The following REDIC1 variants were observed in gnomAD, a reference collection of about 807,000 sequenced individuals.
The protein encoded by REDIC1 is HEI10 Interacting Protein 1.
the REDIC1 span, among the ~76,000 whole-genome samples, chr12:39,701,892 G>A: frequency 2.6e-5 from 4 of 151,964 alleles, no homozygotes; most frequent in Non-Finnish European, 4.4e-5. Context: ...TGAAACCAAC[G>A]AGAACAAAGA....
At chr12:39,697,980 A>G in the REDIC1 span, among the ~76,000 whole-genome samples, 7 of 152,224 alleles carry the variant, frequency 4.6e-5, no homozygotes, top group Non-Finnish European at 1.5e-5. Context: ...TGGATAAAAA[A>G]TAAAACCCAA....
the REDIC1 span, among the ~76,000 whole-genome samples, chr12:39,744,877 C>T: frequency 6.6e-6 from 1 of 152,130 alleles, no homozygotes; most frequent in Admixed American, 6.5e-5. Flanking sequence ...GGTCTAAACA[C>T]AGCAAGTAAA....
chr12:39,808,057 T>C, the REDIC1 span, among the ~76,000 whole-genome samples: 1 of 152,270 alleles, frequency 6.6e-6, no homozygotes, highest in South Asian at 2.1e-4. Context: ...TATAAATCCA[T>C]GTAACCACTA....
chr12:39,713,576 A>G, the REDIC1 span, among the ~76,000 whole-genome samples: 1 of 150,020 alleles, frequency 6.7e-6, no homozygotes, highest in Admixed American at 6.7e-5. Context: ...ACGCGTACAT[A>G]TGTATACACA....
the REDIC1 span, among the ~76,000 whole-genome samples, chr12:39,743,093 G>A: frequency 6.6e-6 from 1 of 152,152 alleles, no homozygotes; most frequent in South Asian, 2.1e-4. Flanking sequence ...TGGTAGCGGG[G>A]AAGAGACAAT....
the REDIC1 span, among the ~76,000 whole-genome samples, chr12:39,720,357 A>G: frequency 1.3e-5 from 2 of 152,100 alleles, no homozygotes; most frequent in East Asian, 3.9e-4. Flanking sequence ...GAATCAATAA[A>G]TAATTGAACA....
At chr12:39,660,126 C>CCTTG in the REDIC1 span, among the ~76,000 whole-genome samples, 2 of 152,106 alleles carry the variant, frequency 1.3e-5, no homozygotes, top group Admixed American at 1.3e-4. Flanking sequence ...ATTTTTCTTA[C>CCTTG]CTTGGGTGGT....
the REDIC1 span, among the ~76,000 whole-genome samples, chr12:39,696,044 G>T: frequency 2.0e-5 from 3 of 152,186 alleles, no homozygotes; most frequent in African/African-American, 7.2e-5. Context: ...GCATTACTGG[G>T]CCTGGGGTGC....
At chr12:39,648,063 T>C in the REDIC1 span, 3 of 999,656 alleles carry the variant, frequency 3.0e-6, no homozygotes, top group African/African-American at 1.7e-5. Flanking sequence ...TTAAAATATT[T>C]ACATTTTGAA....
the REDIC1 span, among the ~76,000 whole-genome samples, chr12:39,899,791 T>C: frequency 7.4e-4 from 113 of 152,272 alleles, no homozygotes; most frequent in South Asian, 3.5e-3. Flanking sequence ...TTGAGCAGTT[T>C]TGAGTGAGTT....
chr12:39,859,944 C>A, the REDIC1 span, among the ~76,000 whole-genome samples: 1 of 152,162 alleles, frequency 6.6e-6, no homozygotes, highest in Admixed American at 6.5e-5. Flanking sequence ...AGGTAATATG[C>A]TAGGCATCAT....
At chr12:39,664,115 T>G in the REDIC1 span, among the ~76,000 whole-genome samples, 1 of 152,074 alleles carries the variant, frequency 6.6e-6, no homozygotes, top group Non-Finnish European at 1.5e-5. Flanking sequence ...AGGGTACATG[T>G]GCACAATGTG....
At chr12:39,703,650 G>A in the REDIC1 span, among the ~76,000 whole-genome samples, 1 of 152,122 alleles carries the variant, frequency 6.6e-6, no homozygotes, top group Non-Finnish European at 1.5e-5. Flanking sequence ...GAACAAAGCT[G>A]GAGGAATCAC....
the REDIC1 span, among the ~76,000 whole-genome samples, chr12:39,660,129 T>C: frequency 6.6e-6 from 1 of 152,170 alleles, no homozygotes; most frequent in African/African-American, 2.4e-5. Context: ...TTTCTTACCT[T>C]GGGTGGTTCT....
chr12:39,835,262 C>T, the REDIC1 span, among the ~76,000 whole-genome samples: 1 of 151,938 alleles, frequency 6.6e-6, no homozygotes, highest in Non-Finnish European at 1.5e-5. Context: ...TCTAACAATC[C>T]ACCCAGTTCT....
the REDIC1 span, among the ~76,000 whole-genome samples, chr12:39,699,585 G>T: frequency 0.034 from 5,116 of 152,310 alleles, 297 homozygotes; most frequent in African/African-American, 0.12. Context: ...AGCTCGAACT[G>T]GGTGGAGCCC....
chr12:39,720,961 T>A, the REDIC1 span: 15 of 1,613,574 alleles, frequency 9.3e-6, no homozygotes, highest in Non-Finnish European at 8.5e-6. Flanking sequence ...TTTCTACCAG[T>A]TCTCAGTGAA....
the REDIC1 span, among the ~76,000 whole-genome samples, chr12:39,712,444 G>T: frequency 2.2e-5 from 1 of 45,746 alleles, no homozygotes; most frequent in South Asian, 5.2e-4. Context: ...ATACGTATAT[G>T]TATACATACG....
At chr12:39,839,441 A>T in the REDIC1 span, among the ~76,000 whole-genome samples, 1 of 152,102 alleles carries the variant, frequency 6.6e-6, no homozygotes, top group African/African-American at 2.4e-5. Context: ...TACTAATTTC[A>T]TGAAGCAAAT....
Sources: gnomAD v4.1 joint callset for allele counts (sites outside exome capture counted in the v4.1 genomes callset) on GRCh38, gnomAD v4.1.1 for gene constraint, MANE v1.5 for transcripts, NCBI Gene and HGNC (gene_info 2026-07-23, HGNC 2026-07-21) for gene names.